Variants in DDRGK1 observed in about 807,000 individuals in gnomAD.
DDRGK1 encodes DDRGK domain containing 1.
In DDRGK1, 38 loss-of-function variants were observed where a neutral mutation model predicts 45.8. The ratio of observed to expected loss-of-function variants is 0.83; its 90% CI spans 0.64 to 1.09. The LOEUF is 1.09. Among genes scored for constraint, DDRGK1 ranks in the 50% least tolerant of loss-of-function variants. The pLI, the probability that DDRGK1 is intolerant of heterozygous loss-of-function variation, is 0.00. For missense variants in DDRGK1, 403 were observed against 419.9 expected (o/e 0.96, Z 0.35); for synonymous variants, 171 against 168.7 (o/e 1.01, Z -0.11).
chr20:3,196,785 C>T (rs896630316), intron 4 of DDRGK1, among the ~76,000 whole-genome samples: 8 of 152,068 alleles, frequency 5.3e-5, no homozygotes, highest in African/African-American at 1.7e-4. Flanking sequence ...AAAAACAAAA[C>T]GAGTGTGTGT....
In DDRGK1 at chr20:3,203,288, G is replaced by A; in HGVS notation, c.220C>T (p.Leu74=). ...PRRRRDLGSR[L]QAQRRAQRVA... The stretch of plus-strand genomic sequence containing the variant: ...CGCTGGGCTCGACGCTGGGCCTGTA[G>A]GCGGCTGCCCAGGTCCCTCCGGCGC... The change falls in exon 2 of 9, where the codon CTA becomes TTA. Residue 74 remains leucine, a synonymous_variant. Transcript: ENST00000354488. 6.2e-7 allele frequency: 1 copy of A among 1,608,068 alleles called. No homozygotes were observed. Among genetic ancestry groups the A allele is most frequent in the Non-Finnish European group, 8.5e-7 (1 of 1,176,750 alleles).
intron 6 of DDRGK1, among the ~76,000 whole-genome samples, chr20:3,193,468 T>G (rs2066997792): frequency 1.3e-5 from 2 of 152,136 alleles, no homozygotes; most frequent in South Asian, 2.1e-4. Flanking sequence ...CCTCCTGGGT[T>G]CAAGTGATTC....
chr20:3,203,956 G>C (rs1190468436), intron 1 of DDRGK1, among the ~76,000 whole-genome samples: 1 of 152,216 alleles, frequency 6.6e-6, no homozygotes, highest in East Asian at 1.9e-4. Context: ...GAAATGGGGG[G>C]AAAGAGGGAG....
chr20:3,195,396 A>G (rs2067006031), intron 4 of DDRGK1, 43 bp from the exon 5 acceptor site: 1 of 1,552,570 alleles, frequency 6.4e-7, no homozygotes, highest in East Asian at 2.2e-5. Flanking sequence ...GGGGCAGAAC[A>G]GGGCAGGCAC....
Position 3,197,494 on chromosome 20 carries a change from C to A in DDRGK1, c.511-2141G>T, listed in dbSNP as rs538608968. On this transcript the variant is annotated intron_variant, in intron 4 of 8. Coordinates refer to ENST00000354488, the MANE Select transcript of DDRGK1 (RefSeq NM_023935.3). ...AGGGACAAGTGAAGCGGATAACTTGCATATTTGGTATGTTGCATTGAAGAT... is the reference window on the plus strand; with the variant it reads ...AGGGACAAGTGAAGCGGATAACTTGAATATTTGGTATGTTGCATTGAAGAT... 4.6e-5 allele frequency among the ~76,000 whole-genome samples: 7 copies of A among 152,276 alleles called. No homozygotes were observed. In the East Asian group the frequency reaches 1.4e-3, roughly 29 times the overall value.
intron 2 of DDRGK1, among the ~76,000 whole-genome samples, chr20:3,201,662 G>T (rs1289905607): frequency 3.1e-4 from 44 of 143,040 alleles, no homozygotes; most frequent in Admixed American, 6.3e-4. Flanking sequence ...GTTTTTTTTG[G>T]TTTTTTTTTT....
intron 7 of DDRGK1, 107 bp from the exon 8 acceptor site, chr20:3,191,345 C>A: frequency 2.4e-6 from 3 of 1,272,972 alleles, no homozygotes; most frequent in Non-Finnish European, 3.4e-6. Flanking sequence ...CCCTCTCATG[C>A]CACGCCCAAA....
chr20:3,200,390 C>T lies in DDRGK1; in HGVS notation c.360G>A (p.Lys120=). 1 of 1,582,898 alleles carries T rather than the reference C, an allele frequency of 6.3e-7. No individual in the cohort carries two copies. The highest frequency in any genetic ancestry group is 8.6e-7 in the Non-Finnish European group (1 of 1,164,124). Residue 120 remains lysine (K), a synonymous_variant, in exon 3 of 9, where the codon AAG becomes AAA. Coordinates refer to ENST00000354488, the MANE Select transcript of DDRGK1 (RefSeq NM_023935.3). The stretch of plus-strand genomic sequence containing the variant: ...GTTTCTCCTCCAGCTTCCGCAGTTT[C>T]TTAGCTCCAATTTTCCCCGACAGGT... The part of the protein sequence containing the change: ...ETHLSGKIGA[K]KLRKLEEKQA...
chr20:3,204,257 G>A (rs1483261573), intron 1 of DDRGK1, among the ~76,000 whole-genome samples: 1 of 152,210 alleles, frequency 6.6e-6, no homozygotes, highest in Non-Finnish European at 1.5e-5. Context: ...GTGTGCGCCG[G>A]CCAGGGCCTC....
At position 3,191,184 on chromosome 20, in the gene DDRGK1, T is replaced by C; in HGVS notation, c.778+6A>G. 1 of 1,614,184 alleles carries C rather than the reference T, an allele frequency of 6.2e-7. No homozygotes were observed. The highest frequency in any genetic ancestry group is 8.5e-7 in the Non-Finnish European group (1 of 1,180,028). ...GGACTGCAGTGATTGGCTCTCATCA[T>C]CTCACCTGTTATAGTCCCCTCAGCC... On this transcript the variant is annotated splice_donor_region_variant and intron_variant, in intron 8 of 8. Coordinates refer to ENST00000354488, the MANE Select transcript of DDRGK1 (RefSeq NM_023935.3).
intron 2 of DDRGK1, among the ~76,000 whole-genome samples, chr20:3,201,858 T>G (rs1381017891): frequency 6.6e-6 from 1 of 151,782 alleles, no homozygotes; most frequent in Non-Finnish European, 1.5e-5. Flanking sequence ...GAGACCGGGT[T>G]TCACCATGTT....
intron 2 of DDRGK1, 69 bp from the exon 3 acceptor site, chr20:3,200,523 C>T (rs2067032212): frequency 2.9e-6 from 4 of 1,382,702 alleles, no homozygotes; most frequent in African/African-American, 2.9e-5. Context: ...GATCCCCAAC[C>T]CCTCGTCCCT....
At chr20:3,202,078 C>T (rs1326692374) in intron 2 of DDRGK1, among the ~76,000 whole-genome samples, 1 of 151,948 alleles carries the variant, frequency 6.6e-6, no homozygotes, top group Non-Finnish European at 1.5e-5. Context: ...CTCCCGGGTT[C>T]ATGGCATTCT....
At chr20:3,197,224 G>GAA (rs34672443) in intron 4 of DDRGK1, among the ~76,000 whole-genome samples, 50 of 74,504 alleles carry the variant, frequency 6.7e-4, no homozygotes, top group African/African-American at 8.8e-4. Context: ...CTCCATCTCA[G>GAA]AAAAAAAAAA....
At chr20:3,198,894 C>A (rs1234959493) in intron 4 of DDRGK1, among the ~76,000 whole-genome samples, 1 of 146,938 alleles carries the variant, frequency 6.8e-6, no homozygotes, top group Non-Finnish European at 1.5e-5. Context: ...GTAATCCCAG[C>A]ACTTTGGGAG....
Position 3,197,816 on chromosome 20 carries a change from G to C in DDRGK1, c.510+2185C>G, listed in dbSNP as rs112708890. The stretch of plus-strand genomic sequence containing the variant: ...GTGGTGGTGCACGTCTGTCATCCTA[G>C]CTGCTTGGGAGGCTGAAGCAGGAGA... On this transcript the variant is annotated intron_variant, in intron 4 of 8. Coordinates refer to ENST00000354488, the MANE Select transcript of DDRGK1 (RefSeq NM_023935.3). Among the ~76,000 whole-genome samples, 67 of 151,514 alleles carry C rather than the reference G, an allele frequency of 4.4e-4. 2 individuals carry two copies. The East Asian group carries it at 0.011, about 26-fold the overall frequency.
intron 6 of DDRGK1, among the ~76,000 whole-genome samples, chr20:3,193,416 G>C (rs1010463542): frequency 6.6e-6 from 1 of 152,046 alleles, no homozygotes; most frequent in African/African-American, 2.4e-5. Context: ...TGTCGCCCAG[G>C]CTGGAGTGCA....
At chr20:3,202,708 T>A (rs1272843651) in intron 2 of DDRGK1, among the ~76,000 whole-genome samples, 1 of 152,034 alleles carries the variant, frequency 6.6e-6, no homozygotes, top group Non-Finnish European at 1.5e-5. Context: ...AGACGCCCCC[T>A]CCTCAGGCTC....
chr20:3,203,064 T>A (rs2067047576), intron 2 of DDRGK1, 149 bp downstream of exon 2: 2 of 701,036 alleles, frequency 2.9e-6, no homozygotes, highest in Non-Finnish European at 4.5e-6. Context: ...AAATGCCAGG[T>A]CCCAAGTCCC....
Sources: allele counts gnomAD v4.1 joint callset (sites outside exome capture counted in the v4.1 genomes callset), GRCh38; gene constraint gnomAD v4.1.1; transcripts MANE v1.5; gene names NCBI Gene and HGNC (gene_info 2026-07-23, HGNC 2026-07-21).